RPTOR: variants seen among roughly 807,000 people sequenced by gnomAD.
RPTOR encodes the protein regulatory-associated protein of mTOR.
Under a neutral mutation model 169.9 loss-of-function variants are expected in RPTOR, and 21 were observed. The ratio of observed to expected loss-of-function variants is 0.12; its 90% CI spans 0.09 to 0.18. RPTOR has a LOEUF of 0.18. Ranked by LOEUF, RPTOR falls within the 10% of genes least tolerant of loss-of-function variation. The pLI, the probability that RPTOR is intolerant of heterozygous loss-of-function variation, is 1.00. For synonymous variants in RPTOR, 732 were observed against 753.2 expected, an observed-to-expected ratio of 0.97 and a Z score of 0.46; for missense variants, 1,133 against 1,855.9, an observed-to-expected ratio of 0.61 and a Z score of 7.16.
intron 1 of RPTOR, among the ~76,000 whole-genome samples, chr17:80,592,978 A>G (rs144718845): frequency 6.6e-6 from 1 of 152,310 alleles, no homozygotes; most frequent in African/African-American, 2.4e-5. Context: ...ACTGGCCGCA[A>G]AAACACACTA....
At chr17:80,905,675 A>AG (rs1287410317) in intron 20 of RPTOR, among the ~76,000 whole-genome samples, 2 of 151,680 alleles carry the variant, frequency 1.3e-5, no homozygotes, top group Non-Finnish European at 2.9e-5. Flanking sequence ...GCACATTGCC[A>AG]GGGTCCTTAC....
chr17:80,786,110 G>A (rs187122385), intron 6 of RPTOR, among the ~76,000 whole-genome samples: 136 of 152,328 alleles, frequency 8.9e-4, no homozygotes, highest in African/African-American at 2.8e-3. Context: ...AGCAGAGGCC[G>A]CTTCTGCACA....
intron 1 of RPTOR, among the ~76,000 whole-genome samples, chr17:80,590,821 A>C (rs1243040691): frequency 6.6e-6 from 1 of 152,190 alleles, no homozygotes; most frequent in African/African-American, 2.4e-5. Context: ...TGCTATTCCA[A>C]AAATATGAGT....
chr17:80,668,996 T>C (rs761762553), intron 3 of RPTOR, among the ~76,000 whole-genome samples: 12 of 152,104 alleles, frequency 7.9e-5, no homozygotes, highest in Non-Finnish European at 1.0e-4. Context: ...CGGGTGCTTC[T>C]CACACCACAG....
At chr17:80,649,358 C>T (rs1218724625) in intron 3 of RPTOR, among the ~76,000 whole-genome samples, 4 of 152,192 alleles carry the variant, frequency 2.6e-5, no homozygotes, top group East Asian at 1.9e-4. Flanking sequence ...CCTTGGCGTG[C>T]GGCCCTGATG....
intron 5 of RPTOR, among the ~76,000 whole-genome samples, chr17:80,734,926 A>C (rs2143223650): frequency 6.6e-6 from 1 of 152,322 alleles, no homozygotes; most frequent in African/African-American, 2.4e-5. Context: ...TTATAAGTAG[A>C]GATGATTTGA....
At position 80,757,029 on chromosome 17, in the gene RPTOR, G is replaced by A. The variant is rs181728150; in HGVS notation, c.830+2844G>A. Among the ~76,000 whole-genome samples, 22 of 152,248 alleles carry A rather than the reference G, an allele frequency of 1.4e-4. No homozygotes were observed. The East Asian group carries it at 4.1e-3, about 28-fold the overall frequency. On this transcript the variant is annotated intron_variant, in intron 6 of 33. Transcript: ENST00000306801. Reference sequence around the variant, plus strand: ...ACCCATAGCAGGAGAGACACTGCTGGAGCCAAATGAATGGCCTGGAAGACT... The same window carrying A: ...ACCCATAGCAGGAGAGACACTGCTGAAGCCAAATGAATGGCCTGGAAGACT...
chr17:80,674,566 C>T (rs1381160922), intron 3 of RPTOR, among the ~76,000 whole-genome samples: 3 of 152,120 alleles, frequency 2.0e-5, no homozygotes, highest in Non-Finnish European at 4.4e-5. Flanking sequence ...TCTACCTGAG[C>T]TTAGCTAAAA....
chr17:80,680,043 G>T (rs990197355), intron 3 of RPTOR, among the ~76,000 whole-genome samples: 7 of 128,418 alleles, frequency 5.5e-5, no homozygotes, highest in Admixed American at 3.7e-4. Context: ...TCCAGTTCTC[G>T]GTCAGGGCCA....
At chr17:80,949,188 G>C (rs972406853) in intron 27 of RPTOR, among the ~76,000 whole-genome samples, 1 of 152,202 alleles carries the variant, frequency 6.6e-6, no homozygotes, top group African/African-American at 2.4e-5. Flanking sequence ...TGAGCTCTGT[G>C]GCCAGGGTGG....
At chr17:80,625,821 A>G (rs766921590) in intron 2 of RPTOR, 28 bp downstream of exon 2, 1 of 1,517,354 alleles carries the variant, frequency 6.6e-7, no homozygotes, top group African/African-American at 1.4e-5. Context: ...ACGCGCTGCC[A>G]CAAAGGCCGT....
At chr17:80,577,549 C>T (rs921372489) in intron 1 of RPTOR, among the ~76,000 whole-genome samples, 2 of 152,140 alleles carry the variant, frequency 1.3e-5, no homozygotes, top group Non-Finnish European at 2.9e-5. Context: ...AAAATGCTGG[C>T]ATTAGAGGCG....
intron 3 of RPTOR, among the ~76,000 whole-genome samples, chr17:80,682,117 C>CA (rs1555606411): frequency 2.3e-5 from 3 of 128,044 alleles, no homozygotes; most frequent in Non-Finnish European, 4.9e-5. Flanking sequence ...TCCCCCCCCC[C>CA]ACCCCAAACA....
In RPTOR at chr17:80,923,555, T is replaced by G; in HGVS notation, c.2690T>G (p.Val897Gly). ...ACCAACGATGTGGCCAAGCAGCCGG[T>G]CAGCCGAGACTTGCCTTCTGGCCGG... ...SLTNDVAKQPVSRDLPSGRPG... is the reference protein window; with the variant it reads ...SLTNDVAKQPGSRDLPSGRPG... The change falls in exon 23 of 34, where the codon GTC becomes GGC. Residue 897 changes from valine to glycine, a missense_variant. Around this residue, in one of 9 missense-constraint regions of RPTOR, gnomAD observed 123 missense variants for 129.0 expected, o/e 0.95. Coordinates refer to ENST00000306801, the MANE Select transcript of RPTOR (RefSeq NM_020761.3). The G allele has an allele frequency of 6.2e-7, 1 of 1,613,460 alleles. No individual in the cohort carries two copies. The highest frequency in any genetic ancestry group is 8.5e-7 in the Non-Finnish European group (1 of 1,179,998).
chr17:80,910,895 A>G (rs1426794995), intron 21 of RPTOR, among the ~76,000 whole-genome samples: 1 of 149,484 alleles, frequency 6.7e-6, no homozygotes, highest in African/African-American at 2.5e-5. Flanking sequence ...CAGTGGCACA[A>G]TCTCAGCTCA....
chr17:80,665,378 C>CATG (rs2065759006), intron 3 of RPTOR, among the ~76,000 whole-genome samples: 1 of 5,378 alleles, frequency 1.9e-4, no homozygotes, highest in Admixed American at 2.3e-3. Context: ...CTTTCCTTTC[C>CATG]TTTCCTTTCC....
intron 6 of RPTOR, among the ~76,000 whole-genome samples, chr17:80,773,002 G>A (rs1336097477): frequency 2.0e-5 from 3 of 152,190 alleles, no homozygotes; most frequent in Admixed American, 6.5e-5. Context: ...CACCACTTAA[G>A]TGGCTTCATG....
At chr17:80,643,573 A>C (rs2065569767) in intron 2 of RPTOR, among the ~76,000 whole-genome samples, 155 bp from the exon 3 acceptor site, 1 of 152,224 alleles carries the variant, frequency 6.6e-6, no homozygotes, top group South Asian at 2.1e-4. Flanking sequence ...GCTGTTCAGT[A>C]AATCTGGTTA....
At chr17:80,689,110 G>A (rs1028051793) in intron 3 of RPTOR, among the ~76,000 whole-genome samples, 8 of 152,208 alleles carry the variant, frequency 5.3e-5, no homozygotes, top group African/African-American at 1.9e-4. Flanking sequence ...TTTATCAAAC[G>A]GTTTCATATG....
Sources: gnomAD v4.1 joint callset for allele counts (sites outside exome capture counted in the v4.1 genomes callset) on GRCh38, gnomAD v4.1.1 for gene constraint, gnomAD v4.1.1 regional missense constraint, MANE v1.5 for transcripts, NCBI Gene and HGNC (gene_info 2026-07-23, HGNC 2026-07-21) for gene names.